The following NECTIN1 variants were observed in gnomAD, a reference collection of about 807,000 sequenced individuals.
NECTIN1 encodes nectin-1.
A neutral mutation model predicts 48.0 loss-of-function variants in NECTIN1; 23 were observed. The ratio of observed to expected loss-of-function variants is 0.48; its 90% CI spans 0.34 to 0.68. NECTIN1 has a LOEUF of 0.68. Among genes scored for constraint, NECTIN1 ranks in the 30% least tolerant of loss-of-function variants. The probability of loss-of-function intolerance (pLI) is 0.01; values close to 1 mark genes in which losing one functional copy is unlikely to be tolerated. For synonymous variants in NECTIN1, 270 were observed against 288.9 expected (o/e 0.93, Z 0.66); for missense variants, 591 against 709.9 (o/e 0.83, Z 1.90).
Position 119,678,454 on chromosome 11 carries a change from T to C in NECTIN1, c.391A>G (p.Thr131Ala), listed in dbSNP as rs199962982. ...VYICEFATFPTGNRESQLNLT... is the reference protein window; with the variant it reads ...VYICEFATFPAGNRESQLNLT... ...TTGAGCTGGCTTTCTCGATTGCCCG[T>C]AGGGAAGGTAGCAAACTCGCAGATG... Residue 131 changes from threonine to alanine, a missense_variant, in exon 2 of 6, where the codon ACG becomes GCG. Physicochemically the swap from Thr to Ala is moderately conservative, Grantham distance 58 (BLOSUM62 0). Coordinates refer to ENST00000264025, the MANE Select transcript of NECTIN1 (RefSeq NM_002855.5). The surrounding 1 kb of genome is among the most constrained non-coding windows in gnomAD (Gnocchi z 4.4). The C allele has an allele frequency of 1.2e-6, 2 of 1,614,154 alleles. No individual in the cohort carries two copies. Among genetic ancestry groups the C allele is most frequent in the East Asian group, 2.2e-5 (1 of 44,878 alleles).
In NECTIN1 at chr11:119,662,302, ACCTCACATC is replaced by A. The variant is rs1864680529; in HGVS notation, c.*2436_*2444del. ...TTCCCACAAACTTGGGGCACAGAAA[ACCTCACATC>A]CCTAGGTCCAAGTGCTGACTCCTGC... is the stretch of plus-strand genomic sequence containing the variant. On this transcript the variant is annotated 3_prime_UTR_variant, in exon 6 of 6. Transcript: ENST00000264025. This position sits in a 1 kb window ranked among gnomAD's most constrained non-coding sequence, Gnocchi z 5.3. 1 of 985,070 alleles carries A rather than the reference ACCTCACATC, an allele frequency of 1.0e-6. No homozygotes were observed. The highest frequency in any genetic ancestry group is 1.2e-6 in the Non-Finnish European group (1 of 829,818). 61.0% of individuals were successfully genotyped at this position (985,070 alleles called of 1,614,324 possible). A position where few individuals can be genotyped will look rare whatever the true frequency, so the allele number is the denominator to read the frequency against.
intron 5 of NECTIN1, among the ~76,000 whole-genome samples, chr11:119,670,188 G>A (rs1476884317): frequency 6.6e-6 from 1 of 152,100 alleles, no homozygotes; most frequent in African/African-American, 2.4e-5. Context: ...TCACACTCCT[G>A]ACCTCAGATG....
At chr11:119,728,132 AT>A (rs1182461798) in intron 1 of NECTIN1, among the ~76,000 whole-genome samples, 1 of 152,238 alleles carries the variant, frequency 6.6e-6, no homozygotes, top group African/African-American at 2.4e-5. Context: ...ATTATTTTGC[AT>A]TTATGTAACA....
At position 119,663,208 on chromosome 11, in the gene NECTIN1, C is replaced by T. The variant is rs1591447638; in HGVS notation, c.*1539G>A. ...TGAAGGGCCGCGAAGCCTGCCTCTC[C>T]ATCCCAGGGTCCTTCCCATGGGCAT... On this transcript the variant is annotated 3_prime_UTR_variant, in exon 6 of 6. Transcript: ENST00000264025. The T allele has an allele frequency of 1.0e-6, 1 of 985,498 alleles. No individual in the cohort carries two copies. 61.0% of individuals were successfully genotyped at this position (985,498 alleles called of 1,614,324 possible).
At position 119,663,021 on chromosome 11, in the gene NECTIN1, G is replaced by GGGGAA; in HGVS notation, c.*1725_*1726insTTCCC. On this transcript the variant is annotated 3_prime_UTR_variant, in exon 6 of 6. Transcript: ENST00000264025. ...GGGGGTTCAATAGCAGCACCAGGGAGGGGAGGGGAGGGGTTGGGGGGCTCC... is the reference window on the plus strand; with the variant it reads ...GGGGGTTCAATAGCAGCACCAGGGAGGGGAAGGGAGGGGAGGGGTTGGGGGGCTCC... The GGGGAA allele has an allele frequency of 2.1e-6, 2 of 970,324 alleles. No individual in the cohort carries two copies. Among genetic ancestry groups the GGGGAA allele is most frequent in the Non-Finnish European group, 2.4e-6 (2 of 821,290 alleles). The allele number at this position is 970,324 out of a possible 1,614,324, so 60.1% of individuals were successfully genotyped here.
chr11:119,706,482 G>A (rs1312602767), intron 1 of NECTIN1, among the ~76,000 whole-genome samples: 1 of 152,094 alleles, frequency 6.6e-6, no homozygotes, highest in Non-Finnish European at 1.5e-5. Context: ...AAGAGGGAGG[G>A]ACCTTCTAGC....
chr11:119,724,204 A>C (rs1865873294), intron 1 of NECTIN1, among the ~76,000 whole-genome samples: 1 of 152,088 alleles, frequency 6.6e-6, no homozygotes, highest in African/African-American at 2.4e-5. Flanking sequence ...CCCATGTAGG[A>C]AGCAAAGATG....
Position 119,673,861 on chromosome 11 carries a change from C to T in NECTIN1, c.1003+1298G>A, listed in dbSNP as rs1864900571. Among the ~76,000 whole-genome samples the T allele has an allele frequency of 6.6e-6, 1 of 152,152 alleles. No individual in the cohort carries two copies. The highest frequency in any genetic ancestry group is 1.5e-5 in the Non-Finnish European group (1 of 68,036). ...CCTTCCACCTGCCAACCCGTGGAAA[C>T]CCCCCAGCTTTCCCCAGGCTCCAAC... On this transcript the variant is annotated intron_variant, in intron 5 of 5. Transcript: ENST00000264025. The surrounding 1 kb of genome is among the most constrained non-coding windows in gnomAD (Gnocchi z 5.8).
chr11:119,693,021 T>C (rs1001713965), intron 1 of NECTIN1, among the ~76,000 whole-genome samples: 26 of 152,180 alleles, frequency 1.7e-4, no homozygotes, highest in African/African-American at 5.5e-4. Flanking sequence ...CACTCCTCCT[T>C]CGTTCTGCGG....
At chr11:119,706,521 G>A (rs559717087) in intron 1 of NECTIN1, among the ~76,000 whole-genome samples, 2 of 152,218 alleles carry the variant, frequency 1.3e-5, no homozygotes, top group South Asian at 2.1e-4. Context: ...CTCTCTGCAC[G>A]CATTGCACCC....
Position 119,661,253 on chromosome 11 carries a change from T to A in NECTIN1, c.*3494A>T. 3.0e-6 allele frequency: 3 copies of A among 985,812 alleles called. No individual in the cohort carries two copies. Among genetic ancestry groups the A allele is most frequent in the Non-Finnish European group, 3.6e-6 (3 of 829,924 alleles). The allele number at this position is 985,812 out of a possible 1,614,324, so 61.1% of individuals were successfully genotyped here. On this transcript the variant is annotated 3_prime_UTR_variant, in exon 6 of 6. Coordinates refer to ENST00000264025, the MANE Select transcript of NECTIN1 (RefSeq NM_002855.5). ...ATTTATACAAAAAAGGAAAACCAATTTTTTCGACCAAGAATCCCATTCCTC... is the reference window on the plus strand; with the variant it reads ...ATTTATACAAAAAAGGAAAACCAATATTTTCGACCAAGAATCCCATTCCTC...
intron 5 of NECTIN1, chr11:119,640,536 C>A (rs1407674042): frequency 1.1e-5 from 2 of 183,938 alleles, no homozygotes; most frequent in Admixed American, 5.4e-5. Context: ...CAAGCCTCTT[C>A]AGTACAGATA....
chr11:119,666,034 G>C (rs1864763490), intron 5 of NECTIN1, among the ~76,000 whole-genome samples: 1 of 152,176 alleles, frequency 6.6e-6, no homozygotes, highest in Admixed American at 6.5e-5. Flanking sequence ...CTGTGGTCTG[G>C]GCCTGCAGGG....
At chr11:119,696,321 A>G (rs1865339759) in intron 1 of NECTIN1, among the ~76,000 whole-genome samples, 1 of 152,194 alleles carries the variant, frequency 6.6e-6, no homozygotes, top group Admixed American at 6.5e-5. Context: ...GCCTAGAGTA[A>G]GGTGAGGATG....
At chr11:119,675,398 C>T in intron 4 of NECTIN1, 88 bp from the exon 5 acceptor site, 1 of 1,432,582 alleles carries the variant, frequency 7.0e-7, no homozygotes, top group Non-Finnish European at 9.8e-7. Flanking sequence ...TCCAGGCCCC[C>T]TAGCCTTTTG....
At chr11:119,716,741 C>T (rs544405929) in intron 1 of NECTIN1, among the ~76,000 whole-genome samples, 2 of 152,370 alleles carry the variant, frequency 1.3e-5, no homozygotes, top group African/African-American at 4.8e-5. Flanking sequence ...TCTCCACCCA[C>T]CCTTAGTAGC....
intron 5 of NECTIN1, among the ~76,000 whole-genome samples, chr11:119,649,103 G>A (rs536445610): frequency 2.0e-4 from 30 of 152,320 alleles, no homozygotes; most frequent in African/African-American, 6.3e-4. Context: ...GCTCCAGGCC[G>A]GGCACGGTGG....
chr11:119,677,642 T>G lies in NECTIN1; in HGVS notation c.646A>C (p.Ser216Arg). The G allele has an allele frequency of 6.2e-7, 1 of 1,613,980 alleles. No homozygotes were observed. Among genetic ancestry groups the G allele is most frequent in the Non-Finnish European group, 8.5e-7 (1 of 1,180,016 alleles). ...TVISRYRLVP[S>R]REAHQQSLAC... ...AAGGACTGCTGGTGGGCTTCCCTGC[T>G]GGGCACCAGGCGGTAGCGGCTGATG... is the stretch of plus-strand genomic sequence containing the variant. The change falls in exon 3 of 6, where the codon AGC becomes CGC. Residue 216 changes from serine (S) to arginine (R), a missense_variant. By Grantham distance (110) the Ser-to-Arg change is moderately radical (BLOSUM62 -1). Coordinates refer to ENST00000264025, the MANE Select transcript of NECTIN1 (RefSeq NM_002855.5). This position sits in a 1 kb window ranked among gnomAD's most constrained non-coding sequence, Gnocchi z 5.4.
chr11:119,657,016 G>A (rs1162312583), downstream of NECTIN1, among the ~76,000 whole-genome samples: 2 of 152,172 alleles, frequency 1.3e-5, no homozygotes, highest in African/African-American at 4.8e-5. Flanking sequence ...AGGATTACGG[G>A]TGTGGCTCCA....
Sources: allele counts gnomAD v4.1 joint callset (sites outside exome capture counted in the v4.1 genomes callset), GRCh38; gene constraint gnomAD v4.1.1; non-coding constraint Gnocchi (gnomAD v3.1); transcripts MANE v1.5; gene names NCBI Gene and HGNC (gene_info 2026-07-23, HGNC 2026-07-21).